SETBP1: variants seen among roughly 807,000 people sequenced by gnomAD.
The protein encoded by SETBP1 is SET binding protein 1, also known as SET-binding protein.
A neutral mutation model predicts 101.0 loss-of-function variants in SETBP1; 9 were observed. The ratio of observed to expected loss-of-function variants is 0.09; its 90% CI spans 0.05 to 0.16. The LOEUF is 0.16. SETBP1 is among the 10% of genes least tolerant of loss of function. SETBP1 has a pLI of 1.00. For missense variants in SETBP1, 1,858 were observed against 2,033.8 expected (o/e 0.91, Z 1.66); for synonymous variants, 818 against 788.5 (o/e 1.04, Z -0.63).
intron 2 of SETBP1, among the ~76,000 whole-genome samples, chr18:44,763,902 G>C (rs928654737): frequency 6.6e-6 from 1 of 152,130 alleles, no homozygotes; most frequent in African/African-American, 2.4e-5. Flanking sequence ...TCAGGGCTCA[G>C]TTCTCCACCC....
intron 2 of SETBP1, among the ~76,000 whole-genome samples, chr18:44,769,263 C>A (rs1020114619): frequency 1.2e-4 from 19 of 152,156 alleles, no homozygotes; most frequent in African/African-American, 4.6e-4. Flanking sequence ...TTTTTTATTT[C>A]TTTCCATGGT....
chr18:44,738,787 A>AG (rs1437141642), intron 2 of SETBP1, among the ~76,000 whole-genome samples: 3 of 151,770 alleles, frequency 2.0e-5, no homozygotes, highest in Non-Finnish European at 4.4e-5. Flanking sequence ...AAAAAAAAAA[A>AG]AAAAGAAAAA....
chr18:44,772,479 G>T (rs2070895408), intron 2 of SETBP1, among the ~76,000 whole-genome samples: 1 of 152,170 alleles, frequency 6.6e-6, no homozygotes, highest in South Asian at 2.1e-4. Context: ...CCCTGGGAAT[G>T]CTGGTGCCCG....
chr18:44,717,993 A>G (rs1221848474), intron 2 of SETBP1, among the ~76,000 whole-genome samples: 4 of 152,198 alleles, frequency 2.6e-5, no homozygotes, highest in African/African-American at 9.6e-5. Flanking sequence ...GTGGATTATA[A>G]GAAATGTAGC....
intron 5 of SETBP1, among the ~76,000 whole-genome samples, chr18:45,062,473 T>G (rs1330690315): frequency 6.6e-6 from 1 of 152,160 alleles, no homozygotes; most frequent in Non-Finnish European, 1.5e-5. Flanking sequence ...CTCCAGGAAA[T>G]AAGCCTCCTT....
At chr18:45,058,798 A>G (rs2073848388) in intron 5 of SETBP1, among the ~76,000 whole-genome samples, 1 of 152,254 alleles carries the variant, frequency 6.6e-6, no homozygotes, top group Admixed American at 6.5e-5. Flanking sequence ...GATGCCATCA[A>G]TGGAGATTGG....
At chr18:44,930,583 G>T (rs1201853332) in intron 3 of SETBP1, among the ~76,000 whole-genome samples, 1 of 152,058 alleles carries the variant, frequency 6.6e-6, no homozygotes, top group East Asian at 1.9e-4. Context: ...TTTTTGATTG[G>T]TAGGCTATTA....
In SETBP1 at chr18:44,950,003, C is replaced by G. The variant is rs1321537716; in HGVS notation, c.663C>G (p.Asp221Glu). 6.2e-7 allele frequency: 1 copy of G among 1,614,062 alleles called. No individual in the cohort carries two copies. Among genetic ancestry groups the G allele is most frequent in the Non-Finnish European group, 8.5e-7 (1 of 1,180,020 alleles). ...AAAGCAGCAGCCAGAACCACATGGACTGGTCCACCAACTCTGACAGCGGAC... is the reference window on the plus strand; with the variant it reads ...AAAGCAGCAGCCAGAACCACATGGAGTGGTCCACCAACTCTGACAGCGGAC... ...QQKSSSQNHM[D>E]WSTNSDSGPV... Residue 221 changes from aspartate (D) to glutamate (E), a missense_variant, in exon 4 of 6, where the codon GAC becomes GAG. By Grantham distance (45) the Asp-to-Glu change is conservative. This residue lies in a region of SETBP1 where 581 missense variants were observed against 535.1 expected (regional missense o/e 1.09). Coordinates refer to ENST00000649279, the MANE Select transcript of SETBP1 (RefSeq NM_015559.3).
chr18:44,715,429 G>A (rs2069441777), intron 2 of SETBP1, among the ~76,000 whole-genome samples: 1 of 152,318 alleles, frequency 6.6e-6, no homozygotes, highest in African/African-American at 2.4e-5. Context: ...TCCTGGTTTG[G>A]ACTGAGAATG....
At chr18:44,897,314 A>T (rs868713650) in intron 3 of SETBP1, among the ~76,000 whole-genome samples, 1 of 152,126 alleles carries the variant, frequency 6.6e-6, no homozygotes, top group Non-Finnish European at 1.5e-5. Context: ...AGAAAAAACA[A>T]TCTGGACCTT....
intron 3 of SETBP1, among the ~76,000 whole-genome samples, chr18:44,896,953 C>T (rs2069918639): frequency 6.6e-6 from 1 of 152,178 alleles, no homozygotes; most frequent in Non-Finnish European, 1.5e-5. Flanking sequence ...CACACACACA[C>T]ACAGGGTTCT....
chr18:44,934,075 T>G (rs2070901166), intron 3 of SETBP1, among the ~76,000 whole-genome samples: 1 of 152,140 alleles, frequency 6.6e-6, no homozygotes, highest in South Asian at 2.1e-4. Flanking sequence ...CCTCCTGTGA[T>G]AACATTTTTA....
intron 3 of SETBP1, among the ~76,000 whole-genome samples, chr18:44,940,189 T>C (rs1311869738): frequency 2.0e-5 from 3 of 152,214 alleles, no homozygotes; most frequent in Non-Finnish European, 2.9e-5. Flanking sequence ...ATAAAATCAT[T>C]ACAGCATTCT....
chr18:44,815,409 T>G (rs2071953669), intron 2 of SETBP1, among the ~76,000 whole-genome samples: 2 of 152,196 alleles, frequency 1.3e-5, no homozygotes, highest in Non-Finnish European at 2.9e-5. Context: ...TATCTACTTT[T>G]CAGGGGCAAA....
At chr18:44,873,106 T>A (rs201984905) in intron 3 of SETBP1, among the ~76,000 whole-genome samples, 2 of 59,886 alleles carry the variant, frequency 3.3e-5, no homozygotes, top group Admixed American at 3.2e-4. Context: ...CAAGAACACA[T>A]AGGAAAACAT....
Position 45,028,720 on chromosome 18 carries a change from G to T in SETBP1, c.4001-9765G>T, listed in dbSNP as rs1390215108. On this transcript the variant is annotated intron_variant, in intron 4 of 5. Coordinates refer to ENST00000649279, the MANE Select transcript of SETBP1 (RefSeq NM_015559.3). ...TTGCCATTCTAACTGTTGTGAGATG[G>T]TATCTCATTGTGGTTTTGATTTGCA... Among the ~76,000 whole-genome samples the T allele has an allele frequency of 2.0e-5, 3 of 152,240 alleles. No homozygotes were observed. The South Asian group carries it at 6.2e-4, about 32-fold the overall frequency.
chr18:45,057,826 ATGAG>A (rs1225394412), intron 5 of SETBP1, among the ~76,000 whole-genome samples: 2 of 152,230 alleles, frequency 1.3e-5, no homozygotes, highest in Non-Finnish European at 2.9e-5. Context: ...GTCCACAAAC[ATGAG>A]TGTCTATTTC....
In SETBP1 at chr18:44,688,858, A is replaced by G. The variant is rs568032363; in HGVS notation, c.-173+7837A>G. Reference sequence around the variant, plus strand: ...TCTACTCGTTATACTTTAGAGCTCTATTACGACTGGTGTTTTGATCCACAA... The same window carrying G: ...TCTACTCGTTATACTTTAGAGCTCTGTTACGACTGGTGTTTTGATCCACAA... On this transcript the variant is annotated intron_variant, in intron 1 of 5. Coordinates refer to ENST00000649279, the MANE Select transcript of SETBP1 (RefSeq NM_015559.3). Among the ~76,000 whole-genome samples, 4 of 152,322 alleles carry G rather than the reference A, an allele frequency of 2.6e-5. No individual in the cohort carries two copies. In the East Asian group the frequency reaches 7.7e-4, roughly 29 times the overall value.
chr18:45,020,293 A>AAAAAAAAAAAAAAAAAG (rs1568032212), intron 4 of SETBP1, among the ~76,000 whole-genome samples: 1 of 133,908 alleles, frequency 7.5e-6, no homozygotes, highest in African/African-American at 2.9e-5. Context: ...AAAAAAAAAA[A>AAAAAAAAAAAAAAAAAG]AAGTGGCTTC....
Sources: gnomAD v4.1 joint callset for allele counts (sites outside exome capture counted in the v4.1 genomes callset) on GRCh38, gnomAD v4.1.1 for gene constraint, gnomAD v4.1.1 regional missense constraint, MANE v1.5 for transcripts, NCBI Gene and HGNC (gene_info 2026-07-23, HGNC 2026-07-21) for gene names.